Variants in MEF2A observed in about 807,000 individuals in gnomAD.
The protein encoded by MEF2A is myocyte-specific enhancer factor 2A.
A neutral mutation model predicts 55.8 loss-of-function variants in MEF2A; 28 were observed. The observed-to-expected ratio is 0.50, with a 90% confidence interval of 0.37 to 0.69. MEF2A has a LOEUF of 0.69. Among genes scored for constraint, MEF2A ranks in the 30% least tolerant of loss-of-function variants. The pLI is 0.00. For missense variants in MEF2A, 528 were observed against 626.2 expected, an observed-to-expected ratio of 0.84 and a Z score of 1.67; for synonymous variants, 239 against 227.1, an observed-to-expected ratio of 1.05 and a Z score of -0.47.
At chr15:99,570,156 A>G (rs1412112591) in intron 1 of MEF2A, among the ~76,000 whole-genome samples, 1 of 152,184 alleles carries the variant, frequency 6.6e-6, no homozygotes, top group African/African-American at 2.4e-5. Context: ...GTGGAATACC[A>G]TATTTAAACA....
At chr15:99,617,090 T>C (rs1474992620) in intron 2 of MEF2A, among the ~76,000 whole-genome samples, 3 of 152,214 alleles carry the variant, frequency 2.0e-5, no homozygotes, top group Non-Finnish European at 4.4e-5. Context: ...TGCTCTTCTT[T>C]GAATGCTGTC....
At chr15:99,678,536 T>C in intron 7 of MEF2A, 1 of 488,734 alleles carries the variant, frequency 2.0e-6, no homozygotes, top group Non-Finnish European at 2.7e-6. Context: ...TTTACCAATA[T>C]TGTCATTTTC....
Position 99,641,499 on chromosome 15 carries a change from G to A in MEF2A, c.55-4062G>A, listed in dbSNP as rs567753665. On this transcript the variant is annotated intron_variant, in intron 3 of 11. Coordinates refer to ENST00000557942, the MANE Select transcript of MEF2A (RefSeq NM_001319206.4). ...AGCACTTTGGGAGGCCGAGGCGGGC[G>A]GATCACGAGGTCAGGAGATCGAGAC... 2.3e-3 allele frequency among the ~76,000 whole-genome samples: 354 copies of A among 152,216 alleles called. 1 individual carries two copies. Among genetic ancestry groups the A allele is most frequent in the Non-Finnish European group, 3.8e-3 (256 of 68,018 alleles).
chr15:99,647,876 A>G (rs1028967278), intron 4 of MEF2A, among the ~76,000 whole-genome samples: 2 of 152,186 alleles, frequency 1.3e-5, no homozygotes, highest in African/African-American at 2.4e-5. Context: ...CTTAATTCAC[A>G]CTTCTTGTAT....
At chr15:99,618,378 A>G (rs762571360) in intron 2 of MEF2A, among the ~76,000 whole-genome samples, 33 of 152,206 alleles carry the variant, frequency 2.2e-4, no homozygotes, top group Non-Finnish European at 3.8e-4. Context: ...GAGACTGACA[A>G]CTAAATGTGA....
chr15:99,567,627 C>CTGTGTG (rs370539645), intron 1 of MEF2A, among the ~76,000 whole-genome samples: 2,236 of 143,842 alleles, frequency 0.016, 26 homozygotes, highest in South Asian at 0.037. Flanking sequence ...TTTGTATGTA[C>CTGTGTG]TGTGTGTGTG....
intron 7 of MEF2A, among the ~76,000 whole-genome samples, chr15:99,689,468 G>A (rs543041034): frequency 3.3e-5 from 5 of 152,132 alleles, no homozygotes; most frequent in Non-Finnish European, 5.9e-5. Context: ...TGCCCTCTTA[G>A]AAATGTGGTC....
intron 4 of MEF2A, among the ~76,000 whole-genome samples, chr15:99,648,898 G>C (rs577159371): frequency 1.3e-5 from 2 of 152,086 alleles, no homozygotes; most frequent in African/African-American, 4.8e-5. Context: ...TTTTGTGGGA[G>C]TACTGTAAGA....
intron 2 of MEF2A, among the ~76,000 whole-genome samples, chr15:99,610,773 C>T (rs1460298169): frequency 1.3e-5 from 2 of 152,052 alleles, no homozygotes; most frequent in East Asian, 3.8e-4. Flanking sequence ...CAAGAATTGG[C>T]TCAAAGTGGA....
At chr15:99,630,442 A>C (rs2042773250) in intron 2 of MEF2A, among the ~76,000 whole-genome samples, 1 of 152,082 alleles carries the variant, frequency 6.6e-6, no homozygotes, top group South Asian at 2.1e-4. Flanking sequence ...TTTGTTTATG[A>C]AAATTCTTCA....
intron 7 of MEF2A, among the ~76,000 whole-genome samples, chr15:99,676,694 C>T (rs56143109): frequency 3.3e-5 from 5 of 152,052 alleles, no homozygotes; most frequent in Non-Finnish European, 5.9e-5. Flanking sequence ...CTCAGCCTCC[C>T]GAGTAGCTGG....
rs376836592 is a variant in MEF2A at position 99,623,805 on chromosome 15, GT to G, written c.-142-9158del. ...TCTTGTATCAAATATATGATCTGCC[GT>G]TTTTTTTTTTTTTTAATTGAGACGG... On this transcript the variant is annotated intron_variant, in intron 2 of 11. Coordinates refer to ENST00000557942, the MANE Select transcript of MEF2A (RefSeq NM_001319206.4). 2.8e-3 allele frequency among the ~76,000 whole-genome samples: 388 copies of G among 138,990 alleles called. 1 individual carries two copies. Among genetic ancestry groups the G allele is most frequent in the African/African-American group, 4.6e-3 (177 of 38,104 alleles). 91.2% of individuals were successfully genotyped at this position (138,990 alleles called of 152,430 possible).
chr15:99,652,335 C>T (rs34756251), intron 4 of MEF2A, among the ~76,000 whole-genome samples: 31,895 of 152,092 alleles, frequency 0.21, 3,722 homozygotes, highest in African/African-American at 0.3. Context: ...CATTCTCTTA[C>T]GAGAATCCAA....
intron 4 of MEF2A, among the ~76,000 whole-genome samples, chr15:99,650,907 T>A (rs2046752144): frequency 6.6e-6 from 1 of 152,164 alleles, no homozygotes; most frequent in Non-Finnish European, 1.5e-5. Flanking sequence ...AGTCATGAAT[T>A]AATTTGAATT....
chr15:99,648,741 C>T (rs992100723), intron 4 of MEF2A, among the ~76,000 whole-genome samples: 1 of 152,048 alleles, frequency 6.6e-6, no homozygotes, highest in African/African-American at 2.4e-5. Flanking sequence ...ATTAACATGG[C>T]GTCTTCATTA....
intron 2 of MEF2A, among the ~76,000 whole-genome samples, chr15:99,610,407 C>A (rs1393601061): frequency 1.3e-3 from 14 of 10,766 alleles, no homozygotes; most frequent in Non-Finnish European, 3.4e-3. Context: ...AGCTGGTCTC[C>A]CCCGCCCCCC....
chr15:99,700,211 CACAT>C (rs1325056655), intron 8 of MEF2A, among the ~76,000 whole-genome samples: 33 of 141,022 alleles, frequency 2.3e-4, no homozygotes, highest in African/African-American at 8.5e-4. Context: ...CACACACACA[CACAT>C]ATGTACGTAT....
intron 7 of MEF2A, among the ~76,000 whole-genome samples, chr15:99,681,133 A>G (rs1248016704): frequency 6.6e-6 from 1 of 152,228 alleles, no homozygotes; most frequent in African/African-American, 2.4e-5. Flanking sequence ...ATATCCAACA[A>G]CTTCACTTTT....
At chr15:99,669,301 C>T (rs1286349152) in intron 4 of MEF2A, among the ~76,000 whole-genome samples, 1 of 152,194 alleles carries the variant, frequency 6.6e-6, no homozygotes, top group African/African-American at 2.4e-5. Context: ...AAGTCAACAA[C>T]TTTATGATAA....
Sources: allele counts gnomAD v4.1 joint callset (sites outside exome capture counted in the v4.1 genomes callset), GRCh38; gene constraint gnomAD v4.1.1; transcripts MANE v1.5; gene names NCBI Gene and HGNC (gene_info 2026-07-23, HGNC 2026-07-21).